CD53: variants seen among roughly 807,000 people sequenced by gnomAD.
The protein encoded by CD53 is leukocyte surface antigen CD53.
CD53 carries 20 observed loss-of-function variants against 27.3 expected under a neutral mutation model. That is an observed-to-expected ratio of 0.73 (90% CI 0.52 to 1.07). CD53 has a LOEUF of 1.07. Ranked by LOEUF, CD53 falls within the 50% of genes least tolerant of loss-of-function variation. The pLI, the probability that CD53 is intolerant of heterozygous loss-of-function variation, is 0.00. For missense variants in CD53, 216 were observed against 264.0 expected, an observed-to-expected ratio of 0.82 and a Z score of 1.26; for synonymous variants, 106 against 105.3, an observed-to-expected ratio of 1.01 and a Z score of -0.04.
chr1:110,894,807 C>T (rs980610860), intron 4 of CD53, among the ~76,000 whole-genome samples, 153 bp from the exon 5 acceptor site: 2 of 152,126 alleles, frequency 1.3e-5, no homozygotes, highest in African/African-American at 4.8e-5. Context: ...GCCTGTATGC[C>T]CATAGATAAA....
intron 1 of CD53, 70 bp from the exon 2 acceptor site, chr1:110,891,322 A>T: frequency 9.4e-7 from 1 of 1,063,718 alleles, no homozygotes; most frequent in South Asian, 1.3e-5. Context: ...ATCCCTGAAC[A>T]TTTGTGCACT....
intron 1 of CD53, among the ~76,000 whole-genome samples, chr1:110,878,227 A>G (rs919193795): frequency 2.0e-5 from 3 of 152,192 alleles, no homozygotes; most frequent in Admixed American, 2.0e-4. Context: ...TCTATTATGT[A>G]TCTCAGTTTG....
chr1:110,896,792 C>G, intron 6 of CD53, 59 bp downstream of exon 6: 3 of 1,439,990 alleles, frequency 2.1e-6, no homozygotes, highest in Non-Finnish European at 2.9e-6. Flanking sequence ...TTAATTACCT[C>G]GGAAACTGCA....
Position 110,899,169 on chromosome 1 carries a change from A to C in CD53, c.634A>C (p.Lys212Gln). The C allele has an allele frequency of 5.6e-6, 9 of 1,613,808 alleles. No individual in the cohort carries two copies. The highest frequency in any genetic ancestry group is 7.6e-6 in the Non-Finnish European group (9 of 1,179,722). Reference sequence around the variant, plus strand: ...ACTGACCCTGAACTGCCAGATTGACAAAACCAGCCAGACCATAGGGCTATG... The same window carrying C: ...ACTGACCCTGAACTGCCAGATTGACCAAACCAGCCAGACCATAGGGCTATG... The part of the protein sequence containing the change: ...FALTLNCQID[K>Q]TSQTIGL Residue 212 changes from lysine to glutamine, a missense_variant, in exon 8 of 8, where the codon AAA becomes CAA. Transcript: ENST00000271324.
chr1:110,888,441 A>AC lies in CD53; in HGVS notation c.-17-2950dup, dbSNP rs1224929779. Among the ~76,000 whole-genome samples, 3 of 152,270 alleles carry AC rather than the reference A, an allele frequency of 2.0e-5. No homozygotes were observed. In the South Asian group the frequency reaches 6.2e-4, roughly 32 times the overall value. On this transcript the variant is annotated intron_variant, in intron 1 of 7. Coordinates refer to ENST00000271324, the MANE Select transcript of CD53 (RefSeq NM_000560.4). The stretch of plus-strand genomic sequence containing the variant: ...TCTGTGAATATAAGCTGAGGCAATC[A>AC]CAGGGCTCACACCATTTATTTCCCG...
chr1:110,890,436 G>A (rs185107191), intron 1 of CD53, among the ~76,000 whole-genome samples: 3 of 152,214 alleles, frequency 2.0e-5, no homozygotes, highest in African/African-American at 7.2e-5. Context: ...GCATGATGGT[G>A]CATGCCTTTA....
chr1:110,871,926 A>G (rs991445494), upstream of CD53, among the ~76,000 whole-genome samples: 8 of 152,068 alleles, frequency 5.3e-5, no homozygotes. Context: ...AAGGACTGAC[A>G]AGTTCTGCAG....
chr1:110,895,955 A>G (rs917372268), intron 5 of CD53, among the ~76,000 whole-genome samples: 22 of 152,310 alleles, frequency 1.4e-4, no homozygotes, highest in African/African-American at 3.8e-4. Context: ...TAATACCACT[A>G]ATAAAGTCTA....
At chr1:110,880,247 A>G (rs1044336104) in intron 1 of CD53, 1 of 152,246 alleles carries the variant, frequency 6.6e-6, no homozygotes, top group African/African-American at 2.4e-5. Context: ...ACTGCCCAGT[A>G]ACAGTGAAAA....
chr1:110,895,907 G>T (rs753554827), intron 5 of CD53, among the ~76,000 whole-genome samples: 2 of 151,912 alleles, frequency 1.3e-5, no homozygotes, highest in Non-Finnish European at 2.9e-5. Flanking sequence ...AAATATAAAA[G>T]AACTTCTTTT....
At chr1:110,871,378 G>A (rs1655957874), upstream of CD53, among the ~76,000 whole-genome samples, 1 of 152,126 alleles carries the variant, frequency 6.6e-6, no homozygotes, top group South Asian at 2.1e-4. Flanking sequence ...GTGGTGGTGT[G>A]GGAGAGAGAG....
intron 5 of CD53, among the ~76,000 whole-genome samples, chr1:110,895,469 C>T (rs1222606654): frequency 6.6e-6 from 1 of 152,172 alleles, no homozygotes; most frequent in Non-Finnish European, 1.5e-5. Context: ...GCTGTTTCCA[C>T]CCACAAACGT....
At chr1:110,898,006 AAT>A (rs1234851890) in intron 7 of CD53, 114 bp downstream of exon 7, 4 of 540,550 alleles carry the variant, frequency 7.4e-6, no homozygotes, top group Non-Finnish European at 1.3e-5. Flanking sequence ...TATTTTTACT[AAT>A]ATATGAATTC....
chr1:110,888,050 G>A (rs78532611), intron 1 of CD53, among the ~76,000 whole-genome samples: 4,244 of 152,220 alleles, frequency 0.028, 213 homozygotes, highest in African/African-American at 0.097. Context: ...ACAAAAGCAA[G>A]AAGTTGCACG....
chr1:110,871,442 C>A (rs1170340608), upstream of CD53, among the ~76,000 whole-genome samples: 1 of 151,964 alleles, frequency 6.6e-6, no homozygotes, highest in Non-Finnish European at 1.5e-5. Context: ...GCCAGTCAGG[C>A]CTTTCCTGGA....
At chr1:110,871,373 G>A (rs1655957700), upstream of CD53, among the ~76,000 whole-genome samples, 1 of 152,140 alleles carries the variant, frequency 6.6e-6, no homozygotes, top group African/African-American at 2.4e-5. Context: ...AATAGGTGGT[G>A]GTGTGGGAGA....
In CD53 at chr1:110,891,465, C is replaced by G. The variant is rs374292531; in HGVS notation, c.57C>G (p.Leu19=). 6.2e-7 allele frequency: 1 copy of G among 1,612,946 alleles called. No homozygotes were observed. The highest frequency in any genetic ancestry group is 1.1e-5 in the South Asian group (1 of 91,054). ...ATGTCCTGTTTTTCTTCAACTTGCT[C>G]TTTTGGGTAAGTGTATCTCTTCTGA... The part of the protein sequence containing the change: ...LKYVLFFFNL[L]FWICGCCILG... The change falls in exon 2 of 8, where the codon CTC becomes CTG. Residue 19 remains leucine, a synonymous_variant. Transcript: ENST00000271324.
chr1:110,889,661 T>G (rs1327642270), intron 1 of CD53, among the ~76,000 whole-genome samples: 2 of 152,170 alleles, frequency 1.3e-5, no homozygotes, highest in Non-Finnish European at 2.9e-5. Context: ...GATAAGATCA[T>G]TTAATATTCA....
rs1204134020 is a variant in CD53 at position 110,898,935 on chromosome 1, C to A, written c.589-189C>A. Among the ~76,000 whole-genome samples, 4 of 152,140 alleles carry A rather than the reference C, an allele frequency of 2.6e-5. No homozygotes were observed. In the East Asian group the frequency reaches 7.7e-4, roughly 29 times the overall value. On this transcript the variant is annotated intron_variant, in intron 7 of 7. Coordinates refer to ENST00000271324, the MANE Select transcript of CD53 (RefSeq NM_000560.4). The stretch of plus-strand genomic sequence containing the variant: ...CAGCCTGTTATCTTGTCATCATTGA[C>A]CCCGTTTCTCTCCTCACTGCTATTC...
Sources: allele counts gnomAD v4.1 joint callset (sites outside exome capture counted in the v4.1 genomes callset), GRCh38; gene constraint gnomAD v4.1.1; transcripts MANE v1.5; gene names NCBI Gene and HGNC (gene_info 2026-07-23, HGNC 2026-07-21).